Variants in NET1 observed in about 807,000 individuals in gnomAD.
NET1 encodes the protein neuroepithelial cell-transforming gene 1 protein.
NET1 carries 42 observed loss-of-function variants against 61.1 expected under a neutral mutation model. The ratio of observed to expected loss-of-function variants is 0.69; its 90% CI spans 0.54 to 0.89. The LOEUF (loss-of-function observed/expected upper bound fraction) is 0.89, where lower values mean the gene tolerates loss of function less well. NET1 is among the 40% of genes least tolerant of loss of function. The probability of loss-of-function intolerance (pLI) is 0.00; values close to 1 mark genes in which losing one functional copy is unlikely to be tolerated. For synonymous variants in NET1, 254 were observed against 281.8 expected, an observed-to-expected ratio of 0.90 and a Z score of 0.99; for missense variants, 654 against 747.3, an observed-to-expected ratio of 0.88 and a Z score of 1.46.
intron 1 of NET1, among the ~76,000 whole-genome samples, chr10:5,414,226 G>A (rs1832044673): frequency 6.6e-6 from 1 of 152,164 alleles, no homozygotes; most frequent in South Asian, 2.1e-4. Context: ...ATGCTAAAGA[G>A]GTAAGCGCCA....
At chr10:5,414,293 T>C (rs1350397568) in intron 1 of NET1, among the ~76,000 whole-genome samples, 1 of 152,162 alleles carries the variant, frequency 6.6e-6, no homozygotes, top group African/African-American at 2.4e-5. Flanking sequence ...TTCATGGTAA[T>C]GGGGAAATAC....
chr10:5,456,049 C>A lies in NET1; in HGVS notation c.1198-38C>A. 1 of 1,568,730 alleles carries A rather than the reference C, an allele frequency of 6.4e-7. No homozygotes were observed. Among genetic ancestry groups the A allele is most frequent in the Non-Finnish European group, 8.7e-7 (1 of 1,151,892 alleles). On this transcript the variant is annotated intron_variant, in intron 10 of 11. Transcript: ENST00000355029. This position sits in a 1 kb window ranked among gnomAD's most constrained non-coding sequence, Gnocchi z 7.0. Reference sequence around the variant, plus strand: ...AATATATTTCAGTCACTTAAAAACACAAGTTTCCTATTTAGCGTTTGTTTC... The same window carrying A: ...AATATATTTCAGTCACTTAAAAACAAAAGTTTCCTATTTAGCGTTTGTTTC...
At position 5,427,423 on chromosome 10, in the gene NET1, A is replaced by G. The variant is rs4881440; in HGVS notation, c.195+702A>G. On this transcript the variant is annotated intron_variant, in intron 2 of 11. Transcript: ENST00000355029. This position sits in a 1 kb window ranked among gnomAD's most constrained non-coding sequence, Gnocchi z 4.1. ...AATATTGCTAGGCAGTTTCCTCCCCACTTCTTCTCCTTCTCCATATTAGTC... is the reference window on the plus strand; with the variant it reads ...AATATTGCTAGGCAGTTTCCTCCCCGCTTCTTCTCCTTCTCCATATTAGTC... 0.97 allele frequency among the ~76,000 whole-genome samples: 147,662 copies of G among 152,214 alleles called. 71,736 individuals are homozygous for G. The highest frequency in any genetic ancestry group is 1 in the Non-Finnish European group (67,973 of 68,028).
chr10:5,413,954 G>A (rs754513038), intron 1 of NET1, among the ~76,000 whole-genome samples: 2 of 152,112 alleles, frequency 1.3e-5, no homozygotes, highest in African/African-American at 2.4e-5. Flanking sequence ...ACAGAATGCC[G>A]TAGATTAAAA....
chr10:5,442,908 A>T (rs1026574876), intron 3 of NET1, among the ~76,000 whole-genome samples: 11 of 151,694 alleles, frequency 7.3e-5, no homozygotes, highest in African/African-American at 2.4e-4. Flanking sequence ...AAAGAAAAAA[A>T]CTCTTCTAAA....
chr10:5,451,689 T>C lies in NET1; in HGVS notation c.256-141T>C. On this transcript the variant is annotated intron_variant, in intron 3 of 11. Coordinates refer to ENST00000355029, the MANE Select transcript of NET1 (RefSeq NM_001047160.3). The surrounding 1 kb of genome is among the most constrained non-coding windows in gnomAD (Gnocchi z 6.1). ...AATAGAGTTCTTATTGTTTTGACAA[T>C]GAAGAACAACTCTTACTTTCATGTT... is the stretch of plus-strand genomic sequence containing the variant. 1.8e-6 allele frequency: 1 copy of C among 554,896 alleles called. No individual in the cohort carries two copies. Among genetic ancestry groups the C allele is most frequent in the East Asian group, 2.7e-5 (1 of 36,404 alleles). The allele number at this position is 554,896 out of a possible 1,614,324, so 34.4% of individuals were successfully genotyped here.
Position 5,452,503 on chromosome 10 carries a change from C to T in NET1, c.509C>T (p.Thr170Ile), listed in dbSNP as rs1446909061. The T allele has an allele frequency of 1.9e-6, 3 of 1,613,502 alleles. No individual in the cohort carries two copies. The Admixed American group carries it at 5.0e-5, about 27-fold the overall frequency. ...ATCACCATGAAGGAGTCTCTCACCA[C>T]CAGGGAGATCAGACGGCAGGAGGTA... ...LDITMKESLT[T>I]REIRRQEAIY... The change falls in exon 5 of 12, where the codon ACC (threonine) becomes ATC (isoleucine). Residue 170 changes from threonine to isoleucine, a missense_variant. By Grantham distance (89) the Thr-to-Ile change is moderately conservative (BLOSUM62 -1). Coordinates refer to ENST00000355029, the MANE Select transcript of NET1 (RefSeq NM_001047160.3). The surrounding 1 kb of genome is among the most constrained non-coding windows in gnomAD (Gnocchi z 4.0).
At position 5,452,943 on chromosome 10, in the gene NET1, G is replaced by T; in HGVS notation, c.594+23G>T. 1 of 1,452,290 alleles carries T rather than the reference G, an allele frequency of 6.9e-7. No individual in the cohort carries two copies. 90.0% of individuals were successfully genotyped at this position (1,452,290 alleles called of 1,614,324 possible). A position where few individuals can be genotyped will look rare whatever the true frequency, so the allele number is the denominator to read the frequency against. The stretch of plus-strand genomic sequence containing the variant: ...AAGGTCAGTAAATAACTTTTTATCA[G>T]ATGCCCTAGTTTTTAAAAATTACAT... On this transcript the variant is annotated intron_variant, in intron 6 of 11. Coordinates refer to ENST00000355029, the MANE Select transcript of NET1 (RefSeq NM_001047160.3). This position sits in a 1 kb window ranked among gnomAD's most constrained non-coding sequence, Gnocchi z 4.0.
At position 5,454,223 on chromosome 10, in the gene NET1, A is replaced by G. The variant is rs1304788813; in HGVS notation, c.769-42A>G. ...TGCAGGCTTGTTAATGCACTCGGTC[A>G]TAACAGGAACACATCATACCTTTTC... On this transcript the variant is annotated intron_variant, in intron 8 of 11. Transcript: ENST00000355029. This position sits in a 1 kb window ranked among gnomAD's most constrained non-coding sequence, Gnocchi z 8.1. 13 of 1,570,500 alleles carry G rather than the reference A, an allele frequency of 8.3e-6. No homozygotes were observed. Among genetic ancestry groups the G allele is most frequent in the South Asian group, 4.8e-5 (4 of 83,910 alleles).
At chr10:5,430,564 A>G (rs910374679) in intron 3 of NET1, among the ~76,000 whole-genome samples, 1 of 151,596 alleles carries the variant, frequency 6.6e-6, no homozygotes, top group Non-Finnish European at 1.5e-5. Flanking sequence ...TAGTAGAGAC[A>G]GGGTTTTGCC....
At position 5,431,977 on chromosome 10, in the gene NET1, G is replaced by C. The variant is rs1832357213; in HGVS notation, c.255+2748G>C. ...TGGATGCTGTTTCAGGATGGTTCCT[G>C]TGTCCTTTTGACATGACCTTTATCT... On this transcript the variant is annotated intron_variant, in intron 3 of 11. Transcript: ENST00000355029. The surrounding 1 kb of genome is among the most constrained non-coding windows in gnomAD (Gnocchi z 4.9). Among the ~76,000 whole-genome samples, 2 of 152,140 alleles carry C rather than the reference G, an allele frequency of 1.3e-5. No homozygotes were observed. Among genetic ancestry groups the C allele is most frequent in the African/African-American group, 4.8e-5 (2 of 41,428 alleles).
Position 5,427,588 on chromosome 10 carries a change from G to C in NET1, c.195+867G>C, listed in dbSNP as rs1333020100. Reference sequence around the variant, plus strand: ...ATGGTTAGTTGGCCTTTCAAACCTGGGATCATATTATTCATAATTTTCTGT... The same window carrying C: ...ATGGTTAGTTGGCCTTTCAAACCTGCGATCATATTATTCATAATTTTCTGT... On this transcript the variant is annotated intron_variant, in intron 2 of 11. Coordinates refer to ENST00000355029, the MANE Select transcript of NET1 (RefSeq NM_001047160.3). This position sits in a 1 kb window ranked among gnomAD's most constrained non-coding sequence, Gnocchi z 4.1. 1.3e-5 allele frequency among the ~76,000 whole-genome samples: 2 copies of C among 152,062 alleles called. No individual in the cohort carries two copies. Among genetic ancestry groups the C allele is most frequent in the Non-Finnish European group, 2.9e-5 (2 of 68,004 alleles).
chr10:5,420,421 A>G lies in NET1; in HGVS notation c.129-6234A>G, dbSNP rs985653563. 2.6e-5 allele frequency among the ~76,000 whole-genome samples: 4 copies of G among 152,126 alleles called. No homozygotes were observed. The highest frequency in any genetic ancestry group is 2.6e-4 in the Admixed American group (4 of 15,278). ...ATATTTGGTATGTTGTATAAGATGTATTTGGGATTTTAGGTTGTTTGTTGA... is the reference window on the plus strand; with the variant it reads ...ATATTTGGTATGTTGTATAAGATGTGTTTGGGATTTTAGGTTGTTTGTTGA... On this transcript the variant is annotated intron_variant, in intron 1 of 11. Coordinates refer to ENST00000355029, the MANE Select transcript of NET1 (RefSeq NM_001047160.3). This position sits in a 1 kb window ranked among gnomAD's most constrained non-coding sequence, Gnocchi z 5.3.
In NET1 at chr10:5,457,775, C is replaced by G. The variant is rs1000586298; in HGVS notation, c.*781C>G. The G allele has an allele frequency of 2.6e-5, 4 of 152,098 alleles. No individual in the cohort carries two copies. Among genetic ancestry groups the G allele is most frequent in the African/African-American group, 4.8e-5 (2 of 41,246 alleles). 9.4% of individuals were successfully genotyped at this position (152,098 alleles called of 1,614,324 possible). A position where few individuals can be genotyped will look rare whatever the true frequency, so the allele number is the denominator to read the frequency against. Reference sequence around the variant, plus strand: ...ATCACATTAATTTTACCAAGTGAAACCAAGCCATACTGTTTTTGAGCCAAT... The same window carrying G: ...ATCACATTAATTTTACCAAGTGAAAGCAAGCCATACTGTTTTTGAGCCAAT... On this transcript the variant is annotated 3_prime_UTR_variant, in exon 12 of 12. Coordinates refer to ENST00000355029, the MANE Select transcript of NET1 (RefSeq NM_001047160.3). The surrounding 1 kb of genome is among the most constrained non-coding windows in gnomAD (Gnocchi z 5.4).
In NET1 at chr10:5,439,282, G is replaced by C. The variant is rs933115047; in HGVS notation, c.255+10053G>C. The stretch of plus-strand genomic sequence containing the variant: ...CCTGAATGGGATGCAGTGCAATAGT[G>C]GTCCATTTTCTGCTCATACCAACAT... On this transcript the variant is annotated intron_variant, in intron 3 of 11. Transcript: ENST00000355029. The surrounding 1 kb of genome is among the most constrained non-coding windows in gnomAD (Gnocchi z 4.8). Among the ~76,000 whole-genome samples the C allele has an allele frequency of 8.5e-5, 13 of 152,152 alleles. No individual in the cohort carries two copies. Among genetic ancestry groups the C allele is most frequent in the African/African-American group, 2.9e-4 (12 of 41,424 alleles).
chr10:5,445,229 A>G (rs1255519416), intron 3 of NET1, among the ~76,000 whole-genome samples: 1 of 152,148 alleles, frequency 6.6e-6, no homozygotes, highest in African/African-American at 2.4e-5. Context: ...TCTTGTTCAA[A>G]TCTATGAAAA....
In NET1 at chr10:5,454,715, C is replaced by T. The variant is rs1832769348; in HGVS notation, c.1026+193C>T. Among the ~76,000 whole-genome samples, 1 of 152,228 alleles carries T rather than the reference C, an allele frequency of 6.6e-6. No individual in the cohort carries two copies. Among genetic ancestry groups the T allele is most frequent in the South Asian group, 2.1e-4 (1 of 4,826 alleles). Reference sequence around the variant, plus strand: ...ATGCTGGACTTCGCACATTTTGTATCTTAAGGGACAGGATTCTCATCTGAT... The same window carrying T: ...ATGCTGGACTTCGCACATTTTGTATTTTAAGGGACAGGATTCTCATCTGAT... On this transcript the variant is annotated intron_variant, in intron 9 of 11. Coordinates refer to ENST00000355029, the MANE Select transcript of NET1 (RefSeq NM_001047160.3). This position sits in a 1 kb window ranked among gnomAD's most constrained non-coding sequence, Gnocchi z 8.1.
At position 5,457,144 on chromosome 10, in the gene NET1, G is replaced by C; in HGVS notation, c.*150G>C. The C allele has an allele frequency of 1.6e-6, 1 of 608,822 alleles. No individual in the cohort carries two copies. Among genetic ancestry groups the C allele is most frequent in the East Asian group, 3.3e-5 (1 of 30,544 alleles). 37.7% of individuals were successfully genotyped at this position (608,822 alleles called of 1,614,324 possible). A position where few individuals can be genotyped will look rare whatever the true frequency, so the allele number is the denominator to read the frequency against. ...GGTTGTTCTTTTTTCTTTTTTTAAT[G>C]GCAGCTAAAGATATACAGATTACTG... On this transcript the variant is annotated 3_prime_UTR_variant, in exon 12 of 12. Coordinates refer to ENST00000355029, the MANE Select transcript of NET1 (RefSeq NM_001047160.3). This position sits in a 1 kb window ranked among gnomAD's most constrained non-coding sequence, Gnocchi z 5.4.
Position 5,452,330 on chromosome 10 carries a change from C to T in NET1, c.364-28C>T. Reference sequence around the variant, plus strand: ...TTCTATTTCTTCCAAATCTTATTTTCTCTTTTGTTCACCTTTTCTTTTTTA... The same window carrying T: ...TTCTATTTCTTCCAAATCTTATTTTTTCTTTTGTTCACCTTTTCTTTTTTA... On this transcript the variant is annotated intron_variant, in intron 4 of 11. Coordinates refer to ENST00000355029, the MANE Select transcript of NET1 (RefSeq NM_001047160.3). The surrounding 1 kb of genome is among the most constrained non-coding windows in gnomAD (Gnocchi z 4.0). 6.6e-7 allele frequency: 1 copy of T among 1,511,896 alleles called. No individual in the cohort carries two copies. Among genetic ancestry groups the T allele is most frequent in the South Asian group, 1.3e-5 (1 of 74,684 alleles). The allele number at this position is 1,511,896 out of a possible 1,614,324, so 93.7% of individuals were successfully genotyped here.
Sources: gnomAD v4.1 joint callset for allele counts (sites outside exome capture counted in the v4.1 genomes callset) on GRCh38, gnomAD v4.1.1 for gene constraint, Gnocchi (gnomAD v3.1) non-coding constraint, MANE v1.5 for transcripts, NCBI Gene and HGNC (gene_info 2026-07-23, HGNC 2026-07-21) for gene names.